SLC9A8: variants seen among roughly 807,000 people sequenced by gnomAD.
SLC9A8 encodes sodium/hydrogen exchanger 8.
SLC9A8 carries 48 observed loss-of-function variants against 66.6 expected under a neutral mutation model. The ratio of observed to expected loss-of-function variants is 0.72; its 90% confidence interval spans 0.57 to 0.92. The LOEUF is 0.92. SLC9A8 is among the 40% of genes least tolerant of loss of function. The pLI, the probability that SLC9A8 is intolerant of heterozygous loss-of-function variation, is 0.00. For missense variants in SLC9A8, 599 were observed against 747.3 expected (o/e 0.80, Z 2.31); for synonymous variants, 274 against 282.6 (o/e 0.97, Z 0.31).
chr20:49,855,456 A>G lies in SLC9A8; in HGVS notation c.588A>G (p.Leu196=), dbSNP rs771638621. 33 of 1,614,102 alleles carry G rather than the reference A, an allele frequency of 2.0e-5. No homozygotes were observed. The highest frequency in any genetic ancestry group is 3.3e-5 in the South Asian group (3 of 91,072). The change falls in exon 8 of 16, where the codon CTA becomes CTG. Residue 196 remains leucine, a synonymous_variant. Coordinates refer to ENST00000361573, the MANE Select transcript of SLC9A8 (RefSeq NM_015266.3). ...NMTDSFAFGS[L]ISAVDPVATI... is the part of the protein sequence containing the mutation. ...CTTACAGTTTTGCGTTTGGCTCCCT[A>G]ATATCTGCTGTCGATCCAGTGGCCA...
rs1362294308 is a variant in SLC9A8 at position 49,890,947 on chromosome 20, C to A, written c.*3011C>A. On this transcript the variant is annotated 3_prime_UTR_variant, in exon 16 of 16. Transcript: ENST00000361573. The stretch of plus-strand genomic sequence containing the variant: ...ATGCTGAAAGATGGGTGACTGGGGA[C>A]CCTTCTTAAAACCTTTGGCAAAGGT... 6.6e-6 allele frequency: 1 copy of A among 152,336 alleles called. No homozygotes were observed. The highest frequency in any genetic ancestry group is 1.9e-4 in the East Asian group (1 of 5,204). 9.4% of individuals were successfully genotyped at this position (152,336 alleles called of 1,614,324 possible). A position where few individuals can be genotyped will look rare whatever the true frequency, so the allele number is the denominator to read the frequency against.
chr20:49,843,275 G>A (rs1006140146), intron 4 of SLC9A8, among the ~76,000 whole-genome samples: 3 of 152,062 alleles, frequency 2.0e-5, no homozygotes, highest in African/African-American at 4.8e-5. Context: ...AGGTTGCCCC[G>A]TAAAACACAG....
Position 49,840,950 on chromosome 20 carries a change from C to T in SLC9A8, c.348+1351C>T, listed in dbSNP as rs1369669039. Among the ~76,000 whole-genome samples, 3 of 146,886 alleles carry T rather than the reference C, an allele frequency of 2.0e-5. No individual in the cohort carries two copies. In the East Asian group the frequency reaches 5.9e-4, roughly 29 times the overall value. ...TGGGCAACATGGTGAAACTCCGTCTCTAAAAAAATACAAAAAAAAAAAAAG... is the reference window on the plus strand; with the variant it reads ...TGGGCAACATGGTGAAACTCCGTCTTTAAAAAAATACAAAAAAAAAAAAAG... On this transcript the variant is annotated intron_variant, in intron 4 of 15. Transcript: ENST00000361573.
chr20:49,815,416 T>C (rs1042871548), intron 2 of SLC9A8: 1 of 386,364 alleles, frequency 2.6e-6, no homozygotes, highest in Non-Finnish European at 4.5e-6. Context: ...ATGTAATATC[T>C]TGGCCTTTGA....
intron 2 of SLC9A8, among the ~76,000 whole-genome samples, chr20:49,819,347 A>G (rs2086658450): frequency 6.6e-6 from 1 of 152,230 alleles, no homozygotes; most frequent in South Asian, 2.1e-4. Flanking sequence ...TTCCAAGTGT[A>G]CTTGAAAACG....
intron 1 of SLC9A8, 135 bp from the exon 2 acceptor site, chr20:49,814,873 T>C: frequency 1.6e-6 from 1 of 609,862 alleles, no homozygotes; most frequent in Non-Finnish European, 2.6e-6. Context: ...AGTAAGTTTC[T>C]CTCGAAGGCC....
At chr20:49,874,917 A>C (rs2089364401) in intron 11 of SLC9A8, 96 bp downstream of exon 11, 1 of 821,828 alleles carries the variant, frequency 1.2e-6, no homozygotes, top group Admixed American at 1.8e-5. Flanking sequence ...TTTCCCTGGC[A>C]GCAGGGCAGC....
chr20:49,841,560 A>G (rs1027447425), intron 4 of SLC9A8, among the ~76,000 whole-genome samples: 4 of 140,018 alleles, frequency 2.9e-5, no homozygotes, highest in Non-Finnish European at 4.9e-5. Context: ...CTTTTTAATT[A>G]TATGTATATA....
chr20:49,830,368 G>A (rs1487005113), intron 3 of SLC9A8: 1 of 860,106 alleles, frequency 1.2e-6, no homozygotes, highest in African/African-American at 1.6e-5. Context: ...CGCCTGGGAA[G>A]AACCCCTGCT....
At chr20:49,880,811 A>T in intron 12 of SLC9A8, 113 bp from the exon 13 acceptor site, 1 of 718,920 alleles carries the variant, frequency 1.4e-6, no homozygotes, top group Non-Finnish European at 2.5e-6. Context: ...GGCTGAGGGG[A>T]ATACTGCATT....
chr20:49,853,018 G>C (rs550775436), intron 7 of SLC9A8, among the ~76,000 whole-genome samples: 17 of 152,264 alleles, frequency 1.1e-4, no homozygotes, highest in African/African-American at 4.1e-4. Flanking sequence ...TAAGATGGAC[G>C]TTGCCCCAAC....
intron 13 of SLC9A8, 94 bp downstream of exon 13, chr20:49,881,129 C>A: frequency 2.4e-6 from 2 of 849,094 alleles, no homozygotes; most frequent in Non-Finnish European, 4.0e-6. Flanking sequence ...GCGCCCTTGG[C>A]AAAACCACAA....
At chr20:49,855,634 C>T (rs1179812038) in intron 8 of SLC9A8, 53 bp downstream of exon 8, 1 of 1,561,666 alleles carries the variant, frequency 6.4e-7, no homozygotes, top group Non-Finnish European at 8.7e-7. Context: ...ACTAAAGGTC[C>T]TTGTAACAAA....
At chr20:49,830,577 G>A (rs2087133672) in intron 3 of SLC9A8, 1 of 610,292 alleles carries the variant, frequency 1.6e-6, no homozygotes. Flanking sequence ...TCGCTTTCCA[G>A]AAGCTCCCAT....
intron 10 of SLC9A8, among the ~76,000 whole-genome samples, chr20:49,874,196 G>A (rs682749): frequency 0.92 from 139,774 of 151,926 alleles, 64,443 homozygotes; most frequent in African/African-American, 0.97. Flanking sequence ...AGAGGTTGCA[G>A]TGAGCCAAGA....
chr20:49,827,622 A>G (rs541227182), intron 3 of SLC9A8, among the ~76,000 whole-genome samples: 12 of 151,978 alleles, frequency 7.9e-5, no homozygotes, highest in African/African-American at 2.9e-4. Context: ...AAAAAAAAGA[A>G]AAAGAAAATG....
intron 9 of SLC9A8, among the ~76,000 whole-genome samples, chr20:49,863,622 C>T (rs561854263): frequency 1.3e-5 from 2 of 152,244 alleles, no homozygotes; most frequent in East Asian, 3.9e-4. Context: ...AGTGTTTATC[C>T]AGAAGGATTG....
chr20:49,868,819 C>G (rs947495617), intron 10 of SLC9A8, among the ~76,000 whole-genome samples: 5 of 152,200 alleles, frequency 3.3e-5, no homozygotes, highest in African/African-American at 1.2e-4. Context: ...GGCATCTGTG[C>G]CACTGCTGGG....
At chr20:49,870,868 A>C (rs2089184064) in intron 10 of SLC9A8, among the ~76,000 whole-genome samples, 1 of 151,738 alleles carries the variant, frequency 6.6e-6, no homozygotes, top group Non-Finnish European at 1.5e-5. Context: ...ACACCCAACT[A>C]GTTTTGTATT....
Sources: allele counts gnomAD v4.1 joint callset (sites outside exome capture counted in the v4.1 genomes callset), GRCh38; gene constraint gnomAD v4.1.1; transcripts MANE v1.5; gene names NCBI Gene and HGNC (gene_info 2026-07-23, HGNC 2026-07-21).